Variants in CSMD1 observed in about 807,000 individuals in gnomAD.
CSMD1 encodes CUB and sushi domain-containing protein 1.
Under a neutral mutation model 417.5 loss-of-function variants are expected in CSMD1, and 213 were observed. That is an observed-to-expected ratio of 0.51 (90% confidence interval 0.46 to 0.57). The LOEUF (loss-of-function observed/expected upper bound fraction) is 0.57, where lower values mean the gene tolerates loss of function less well. CSMD1 is among the 20% of genes least tolerant of loss of function. The pLI, the probability that CSMD1 is intolerant of heterozygous loss-of-function variation, is 0.00. For synonymous variants in CSMD1, 2,862 were observed against 1,736.8 expected, an observed-to-expected ratio of 1.65 and a Z score of -16.11; for missense variants, 6,923 against 4,529.7, an observed-to-expected ratio of 1.53 and a Z score of -15.17.
intron 10 of CSMD1, among the ~76,000 whole-genome samples, chr8:3,513,730 G>A (rs1797173749): frequency 6.6e-6 from 1 of 152,190 alleles, no homozygotes; most frequent in Admixed American, 6.5e-5. Context: ...TAGTCTGTGT[G>A]TTAGTTACCA....
chr8:4,052,768 T>C (rs1006667933), intron 3 of CSMD1, among the ~76,000 whole-genome samples: 8 of 152,262 alleles, frequency 5.3e-5, no homozygotes, highest in Admixed American at 2.0e-4. Flanking sequence ...AAAAATGGGA[T>C]ATCTGAGGAC....
At chr8:4,642,172 C>G (rs1021276547) in intron 1 of CSMD1, among the ~76,000 whole-genome samples, 2 of 152,208 alleles carry the variant, frequency 1.3e-5, no homozygotes, top group African/African-American at 4.8e-5. Context: ...TATAGGACTA[C>G]TTGTTCGGGG....
chr8:3,928,389 G>T (rs988113081), intron 5 of CSMD1, among the ~76,000 whole-genome samples: 1 of 152,124 alleles, frequency 6.6e-6, no homozygotes, highest in Non-Finnish European at 1.5e-5. Flanking sequence ...AAATGTGTAG[G>T]TAGCAGTGAA....
At chr8:3,927,857 A>C (rs1285953497) in intron 5 of CSMD1, among the ~76,000 whole-genome samples, 2 of 152,206 alleles carry the variant, frequency 1.3e-5, no homozygotes, top group Admixed American at 6.5e-5. Flanking sequence ...TTTTTTATAA[A>C]ATAGTTTCAT....
intron 1 of CSMD1, among the ~76,000 whole-genome samples, chr8:4,650,347 G>GAAAAAAAAAAAAAAAAACAAAAAAAAAA (rs1803816295): frequency 1.3e-5 from 1 of 78,254 alleles, no homozygotes. Context: ...TCCGTCTCAA[G>GAAAAAAAAAAAAAAAAACAAAAAAAAAA]AAAAAAAAAA....
chr8:3,651,345 C>T (rs73181162), intron 7 of CSMD1, among the ~76,000 whole-genome samples: 1 of 152,126 alleles, frequency 6.6e-6, no homozygotes, highest in Non-Finnish European at 1.5e-5. Context: ...TCCCCACCCC[C>T]ACACACTTCA....
chr8:3,315,031 T>G (rs1805645280), intron 23 of CSMD1, among the ~76,000 whole-genome samples: 1 of 152,212 alleles, frequency 6.6e-6, no homozygotes, highest in Non-Finnish European at 1.5e-5. Context: ...ATATATTTTC[T>G]CATGAGCAAC....
intron 5 of CSMD1, among the ~76,000 whole-genome samples, chr8:3,780,769 C>T (rs984482827): frequency 6.6e-6 from 1 of 152,080 alleles, no homozygotes; most frequent in Non-Finnish European, 1.5e-5. Context: ...CATTCTTATA[C>T]ACAGATTCAT....
At chr8:3,676,282 T>G (rs1208015842) in intron 7 of CSMD1, among the ~76,000 whole-genome samples, 1 of 152,146 alleles carries the variant, frequency 6.6e-6, no homozygotes, top group African/African-American at 2.4e-5. Flanking sequence ...ATTTACCAAC[T>G]CTGTGGCCCT....
At chr8:4,563,518 C>G (rs73184923) in intron 2 of CSMD1, among the ~76,000 whole-genome samples, 15,292 of 152,212 alleles carry the variant, frequency 0.1, 982 homozygotes, top group South Asian at 0.14. Context: ...ACCTGCCCTG[C>G]CCCACGCACT....
intron 8 of CSMD1, among the ~76,000 whole-genome samples, chr8:3,598,638 G>C (rs141276622): frequency 2.3e-3 from 347 of 152,254 alleles, no homozygotes; most frequent in Non-Finnish European, 3.4e-3. Context: ...GTTCCTGAGG[G>C]CTTGCTCATT....
intron 49 of CSMD1, among the ~76,000 whole-genome samples, chr8:3,057,127 G>T (rs1812284269): frequency 6.6e-6 from 1 of 152,038 alleles, no homozygotes; most frequent in South Asian, 2.1e-4. Context: ...TGCTTATATG[G>T]TAAGAAATGT....
At chr8:3,036,570 C>G (rs1343708747) in intron 50 of CSMD1, among the ~76,000 whole-genome samples, 1 of 152,136 alleles carries the variant, frequency 6.6e-6, no homozygotes, top group Non-Finnish European at 1.5e-5. Context: ...GCAAAGTGTG[C>G]AGTCTAGCAC....
At position 3,180,109 on chromosome 8, in the gene CSMD1, T is replaced by C. The variant is rs141289318; in HGVS notation, c.5725+1001A>G. On this transcript the variant is annotated intron_variant, in intron 37 of 69. Transcript: ENST00000635120. ...TTATTAAAGGAGATGAATATCAACG[T>C]TAAACATTTTTAGTGCTTGAAAACA... Among the ~76,000 whole-genome samples, 671 of 152,364 alleles carry C rather than the reference T, an allele frequency of 4.4e-3. 5 individuals are homozygous for C. Among genetic ancestry groups the C allele is most frequent in the African/African-American group, 0.015 (616 of 41,580 alleles).
intron 8 of CSMD1, among the ~76,000 whole-genome samples, chr8:3,606,168 T>C (rs1318729365): frequency 6.6e-6 from 1 of 152,098 alleles, no homozygotes. Flanking sequence ...AAGCCAACCG[T>C]GTGGGTGGGG....
chr8:3,536,146 A>G (rs922278094), intron 10 of CSMD1, among the ~76,000 whole-genome samples: 1 of 152,222 alleles, frequency 6.6e-6, no homozygotes, highest in African/African-American at 2.4e-5. Flanking sequence ...CGGATCATCA[A>G]CTGTCATTAC....
intron 5 of CSMD1, among the ~76,000 whole-genome samples, chr8:3,892,526 T>C (rs962396210): frequency 1.3e-4 from 11 of 87,344 alleles, no homozygotes; most frequent in African/African-American, 5.1e-4. Context: ...GTTAGAGGAA[T>C]TTTGCAAAAA....
intron 1 of CSMD1, among the ~76,000 whole-genome samples, chr8:4,906,821 G>C (rs1239919740): frequency 2.6e-5 from 4 of 152,208 alleles, no homozygotes; most frequent in Admixed American, 6.5e-5. Context: ...GCCTCCCATA[G>C]TGCTGAGATT....
At chr8:4,033,072 C>G (rs910070297) in intron 3 of CSMD1, among the ~76,000 whole-genome samples, 1 of 142,800 alleles carries the variant, frequency 7.0e-6, no homozygotes, top group Admixed American at 7.3e-5. Flanking sequence ...AGACATTCCT[C>G]TCTATTGATT....
Sources: gnomAD v4.1 joint callset for allele counts (sites outside exome capture counted in the v4.1 genomes callset) on GRCh38, gnomAD v4.1.1 for gene constraint, MANE v1.5 for transcripts, NCBI Gene and HGNC (gene_info 2026-07-23, HGNC 2026-07-21) for gene names.